The following SPOCK3 variants were observed in gnomAD, a reference collection of about 807,000 sequenced individuals.
SPOCK3 encodes SPARC (osteonectin), cwcv and kazal like domains proteoglycan 3, also known as testican-3.
SPOCK3 carries 30 observed loss-of-function variants against 56.6 expected under a neutral mutation model. The ratio of observed to expected loss-of-function variants is 0.53; its 90% CI spans 0.40 to 0.72. The LOEUF is 0.72. SPOCK3 is among the 30% of genes least tolerant of loss of function. The probability of loss-of-function intolerance (pLI) is 0.00; values close to 1 mark genes in which losing one functional copy is unlikely to be tolerated. For missense variants in SPOCK3, 527 were observed against 530.0 expected (o/e 0.99, Z 0.06); for synonymous variants, 196 against 183.3 (o/e 1.07, Z -0.56).
At chr4:167,108,332 A>G (rs1283169558) in intron 2 of SPOCK3, among the ~76,000 whole-genome samples, 1 of 151,934 alleles carries the variant, frequency 6.6e-6, no homozygotes. Context: ...GGAAATCAGT[A>G]TATAGAAGAG....
chr4:167,032,197 A>C (rs1026016511), intron 3 of SPOCK3, among the ~76,000 whole-genome samples: 4 of 151,988 alleles, frequency 2.6e-5, no homozygotes, highest in African/African-American at 7.2e-5. Context: ...AGAGAGGGGT[A>C]GTATATGAAG....
At chr4:166,752,809 T>C (rs1437531986) in intron 8 of SPOCK3, among the ~76,000 whole-genome samples, 1 of 151,996 alleles carries the variant, frequency 6.6e-6, no homozygotes, top group Non-Finnish European at 1.5e-5. Context: ...TTTTGTAACT[T>C]CTAGCAATTA....
chr4:166,819,305 A>G (rs942618424), intron 6 of SPOCK3, among the ~76,000 whole-genome samples: 5 of 152,100 alleles, frequency 3.3e-5, no homozygotes, highest in Non-Finnish European at 5.9e-5. Context: ...TCCCTCTAAC[A>G]TAAAGAACAA....
At chr4:166,850,901 A>G (rs966444726) in intron 6 of SPOCK3, among the ~76,000 whole-genome samples, 10 of 152,336 alleles carry the variant, frequency 6.6e-5, no homozygotes, top group South Asian at 2.1e-4. Context: ...AGGGGTGCCC[A>G]CCATTGCCCA....
chr4:167,112,548 A>G (rs989174411), intron 2 of SPOCK3, among the ~76,000 whole-genome samples: 3 of 152,086 alleles, frequency 2.0e-5, no homozygotes, highest in Admixed American at 1.3e-4. Flanking sequence ...CATGTCTCCA[A>G]AAGATTGTCA....
At chr4:166,829,310 A>C (rs1406448896) in intron 6 of SPOCK3, among the ~76,000 whole-genome samples, 3 of 152,122 alleles carry the variant, frequency 2.0e-5, no homozygotes, top group African/African-American at 4.8e-5. Flanking sequence ...GAATGACAGC[A>C]TTCATAACTA....
intron 2 of SPOCK3, among the ~76,000 whole-genome samples, chr4:167,163,201 A>G (rs1267936112): frequency 2.5e-5 from 3 of 120,736 alleles, no homozygotes; most frequent in African/African-American, 9.5e-5. Flanking sequence ...CCTAAATTTT[A>G]GGTAATCCTC....
At chr4:167,078,222 G>T (rs1757373473) in intron 2 of SPOCK3, among the ~76,000 whole-genome samples, 1 of 151,552 alleles carries the variant, frequency 6.6e-6, no homozygotes, top group African/African-American at 2.4e-5. Flanking sequence ...GGCACTATCA[G>T]ATCAGAAACT....
chr4:166,894,598 T>C (rs889095563), intron 5 of SPOCK3, among the ~76,000 whole-genome samples: 1 of 152,098 alleles, frequency 6.6e-6, no homozygotes, highest in Non-Finnish European at 1.5e-5. Context: ...TAAGCTGAGA[T>C]GAGGAAGTAA....
intron 8 of SPOCK3, among the ~76,000 whole-genome samples, chr4:166,749,241 T>C (rs183845592): frequency 1.5e-5 from 2 of 137,796 alleles, no homozygotes; most frequent in Non-Finnish European, 3.1e-5. Flanking sequence ...CCAACCCAAA[T>C]GTCCATCAAT....
chr4:167,097,015 T>C (rs2150318249), intron 2 of SPOCK3, among the ~76,000 whole-genome samples: 1 of 151,970 alleles, frequency 6.6e-6, no homozygotes, highest in East Asian at 1.9e-4. Flanking sequence ...AATGCCCCCC[T>C]CTATCCCTAA....
rs1411508314 is a variant in SPOCK3 at position 166,914,909 on chromosome 4, T to C, written c.351-2166A>G. On this transcript the variant is annotated intron_variant, in intron 4 of 10. Coordinates refer to ENST00000357545, the MANE Select transcript of SPOCK3 (RefSeq NM_001040159.2). Reference sequence around the variant, plus strand: ...TTCTTATTCCTTCCAGTTTTAACCATACGGAACACTAAATAAACATGTTCA... The same window carrying C: ...TTCTTATTCCTTCCAGTTTTAACCACACGGAACACTAAATAAACATGTTCA... Among the ~76,000 whole-genome samples, 8 of 152,284 alleles carry C rather than the reference T, an allele frequency of 5.3e-5. No individual in the cohort carries two copies. The South Asian group carries it at 1.7e-3, about 32-fold the overall frequency.
intron 10 of SPOCK3, among the ~76,000 whole-genome samples, 157 bp from the exon 11 acceptor site, chr4:166,735,247 T>C (rs1224655840): frequency 6.6e-6 from 1 of 152,058 alleles, no homozygotes; most frequent in Non-Finnish European, 1.5e-5. Flanking sequence ...TTCTGGAAAA[T>C]TATCACATGT....
At chr4:167,077,938 A>C (rs1580220470) in intron 2 of SPOCK3, among the ~76,000 whole-genome samples, 1 of 151,976 alleles carries the variant, frequency 6.6e-6, no homozygotes, top group Admixed American at 6.6e-5. Context: ...TTCCTTTAAC[A>C]CCTTTATGCC....
intron 4 of SPOCK3, among the ~76,000 whole-genome samples, chr4:166,941,795 C>T (rs533972116): frequency 1.3e-5 from 2 of 152,180 alleles, no homozygotes; most frequent in East Asian, 3.9e-4. Flanking sequence ...AGTGAGTTCC[C>T]GGGGCATAGT....
intron 4 of SPOCK3, among the ~76,000 whole-genome samples, chr4:166,974,758 CA>C (rs1430114664): frequency 6.6e-6 from 1 of 152,148 alleles, no homozygotes; most frequent in African/African-American, 2.4e-5. Context: ...TGATAATATT[CA>C]GTACTTGCTA....
intron 5 of SPOCK3, among the ~76,000 whole-genome samples, chr4:166,907,603 C>T (rs185284593): frequency 3.9e-5 from 6 of 152,094 alleles, no homozygotes; most frequent in Admixed American, 2.0e-4. Flanking sequence ...GTAAGGATAG[C>T]GAGTGTTGGA....
intron 3 of SPOCK3, among the ~76,000 whole-genome samples, chr4:167,032,150 A>T (rs1752335660): frequency 6.6e-6 from 1 of 152,024 alleles, no homozygotes; most frequent in Non-Finnish European, 1.5e-5. Context: ...AAAATCATTA[A>T]ATAAAATCAA....
intron 2 of SPOCK3, among the ~76,000 whole-genome samples, chr4:167,082,560 A>T (rs1455985429): frequency 6.6e-6 from 1 of 152,078 alleles, no homozygotes; most frequent in Non-Finnish European, 1.5e-5. Flanking sequence ...ACGAGCAGGC[A>T]ATATGACTGT....
Sources: allele counts gnomAD v4.1 joint callset (sites outside exome capture counted in the v4.1 genomes callset), GRCh38; gene constraint gnomAD v4.1.1; transcripts MANE v1.5; gene names NCBI Gene and HGNC (gene_info 2026-07-23, HGNC 2026-07-21).